Variants in CHIA observed in about 807,000 individuals in gnomAD.
The protein encoded by CHIA is chitinase acidic, also known as acidic mammalian chitinase.
CHIA carries 47 observed loss-of-function variants against 53.5 expected under a neutral mutation model. The observed-to-expected ratio is 0.88, with a 90% CI of 0.70 to 1.12. The LOEUF (loss-of-function observed/expected upper bound fraction) is 1.12, where lower values mean the gene tolerates loss of function less well. Ranked by LOEUF, CHIA falls within the 50% of genes most tolerant of loss-of-function variation. The pLI, the probability that CHIA is intolerant of heterozygous loss-of-function variation, is 0.00. For synonymous variants in CHIA, 268 were observed against 222.2 expected (o/e 1.21, Z -1.83); for missense variants, 652 against 592.2 (o/e 1.10, Z -1.05).
rs527687053 is a variant in CHIA at position 111,303,025 on chromosome 1, A to AT, written c.-68-7369dup. Among the ~76,000 whole-genome samples the AT allele has an allele frequency of 4.2e-4, 64 of 152,106 alleles. 1 individual carries two copies. The highest frequency in any genetic ancestry group is 1.3e-3 in the African/African-American group (52 of 41,518). On this transcript the variant is annotated intron_variant, in intron 1 of 11. Coordinates refer to ENST00000369740, the MANE Select transcript of CHIA (RefSeq NM_201653.4). ...TAATGTCCTGCTTTGTCTCTTGTAC[A>AT]TTTTTTAATTTATAATCTATTTTGT...
chr1:111,304,287 G>A (rs1648001829), intron 1 of CHIA, among the ~76,000 whole-genome samples: 1 of 152,110 alleles, frequency 6.6e-6, no homozygotes, highest in Non-Finnish European at 1.5e-5. Context: ...CATCAAATTT[G>A]GGAAGTGTTA....
intron 1 of CHIA, among the ~76,000 whole-genome samples, chr1:111,306,943 T>C (rs1209964296): frequency 1.3e-5 from 2 of 152,226 alleles, no homozygotes; most frequent in Non-Finnish European, 2.9e-5. Context: ...AATTTTAGTC[T>C]GATGATTCAG....
intron 1 of CHIA, among the ~76,000 whole-genome samples, chr1:111,302,589 A>G (rs1429344162): frequency 6.6e-6 from 1 of 152,096 alleles, no homozygotes; most frequent in African/African-American, 2.4e-5. Context: ...TTCTAACTTC[A>G]CGTCCTTTGT....
intron 1 of CHIA, among the ~76,000 whole-genome samples, chr1:111,304,343 T>C (rs984350503): frequency 6.6e-6 from 1 of 152,192 alleles, no homozygotes; most frequent in African/African-American, 2.4e-5. Flanking sequence ...TCTTTCTCTT[T>C]TATTTTTCTT....
intron 1 of CHIA, among the ~76,000 whole-genome samples, chr1:111,293,742 C>A (rs1340377465): frequency 6.6e-6 from 1 of 152,072 alleles, no homozygotes; most frequent in African/African-American, 2.4e-5. Flanking sequence ...GGCCATTGAT[C>A]TATTTTGAGT....
At chr1:111,317,217 A>G (rs1649230037) in intron 6 of CHIA, 1 of 167,480 alleles carries the variant, frequency 6.0e-6, no homozygotes, top group Non-Finnish European at 1.3e-5. Context: ...AATCTCTAGT[A>G]TTGAATGGGA....
chr1:111,320,533 A>C lies in CHIA; in HGVS notation c.*67A>C. The C allele has an allele frequency of 7.0e-7, 1 of 1,430,646 alleles. No individual in the cohort carries two copies. Among genetic ancestry groups the C allele is most frequent in the Non-Finnish European group, 9.7e-7 (1 of 1,027,546 alleles). The allele number at this position is 1,430,646 out of a possible 1,614,324, so 88.6% of individuals were successfully genotyped here. On this transcript the variant is annotated 3_prime_UTR_variant, in exon 12 of 12. Transcript: ENST00000369740. ...GCTTAGGACATGTTGCCCCTACCTA[A>C]AGTCCTGCAATAAAATCAGCAGTCA...
At chr1:111,299,097 G>A (rs1484134699) in intron 1 of CHIA, among the ~76,000 whole-genome samples, 1 of 151,986 alleles carries the variant, frequency 6.6e-6, no homozygotes, top group Non-Finnish European at 1.5e-5. Flanking sequence ...CAATAATTAA[G>A]AGCCTACCAA....
At chr1:111,311,348 G>A (rs1339351146) in intron 2 of CHIA, among the ~76,000 whole-genome samples, 1 of 152,234 alleles carries the variant, frequency 6.6e-6, no homozygotes, top group South Asian at 2.1e-4. Context: ...CTATCACTCA[G>A]GTAGGGGAAG....
rs1649442094 is a variant in CHIA at position 111,319,235 on chromosome 1, T to C, written c.1031T>C (p.Ile344Thr). ...TATGACAACATCAAGAGCTTCGATA[T>C]TAAGGTAAGATCAGTCCCTTAAATG... ...VGYDNIKSFD[I>T]KAQWLKHNKF... The change falls in exon 10 of 12, where the codon ATT becomes ACT. Residue 344 changes from isoleucine (I) to threonine (T), a missense_variant. Physicochemically the swap from Ile to Thr is moderately conservative, Grantham distance 89. Transcript: ENST00000369740. 1.2e-6 allele frequency: 2 copies of C among 1,614,100 alleles called. No individual in the cohort carries two copies. The highest frequency in any genetic ancestry group is 1.7e-6 in the Non-Finnish European group (2 of 1,180,046).
intron 5 of CHIA, 52 bp downstream of exon 5, chr1:111,314,648 GC>G: frequency 1.5e-6 from 2 of 1,353,144 alleles, no homozygotes; most frequent in Non-Finnish European, 1.1e-6. Context: ...AAACAAGTTA[GC>G]CCCATGTGAT....
At chr1:111,319,656 G>C (rs1297921626) in intron 11 of CHIA, among the ~76,000 whole-genome samples, 188 bp downstream of exon 11, 1 of 152,220 alleles carries the variant, frequency 6.6e-6, no homozygotes, top group Non-Finnish European at 1.5e-5. Flanking sequence ...GCACTTATGG[G>C]AAGCCAGGCC....
chr1:111,309,897 T>C (rs1363539054), intron 1 of CHIA, among the ~76,000 whole-genome samples: 2 of 152,190 alleles, frequency 1.3e-5, no homozygotes, highest in Non-Finnish European at 2.9e-5. Context: ...CATTCTTAGA[T>C]AAAATTATCA....
chr1:111,299,717 T>C (rs1037365812), intron 1 of CHIA, among the ~76,000 whole-genome samples: 6 of 152,146 alleles, frequency 3.9e-5, no homozygotes, highest in African/African-American at 1.4e-4. Context: ...CTATTCAACA[T>C]AGTGTTTGAA....
chr1:111,307,850 C>T (rs1447535871), intron 1 of CHIA, among the ~76,000 whole-genome samples: 1 of 152,034 alleles, frequency 6.6e-6, no homozygotes, highest in African/African-American at 2.4e-5. Flanking sequence ...CCATGTTGAC[C>T]CAGCTGGTCT....
Position 111,320,262 on chromosome 1 carries a change from T to C in CHIA, c.1227T>C (p.Ser409=). 2 of 1,614,076 alleles carry C rather than the reference T, an allele frequency of 1.2e-6. No individual in the cohort carries two copies. The highest frequency in any genetic ancestry group is 1.7e-4 in the Middle Eastern group (1 of 6,042). The change falls in exon 12 of 12, where the codon AGT becomes AGC. Residue 409 remains serine, a synonymous_variant. Coordinates refer to ENST00000369740, the MANE Select transcript of CHIA (RefSeq NM_201653.4). ...TTGAGCCAATAACTGCTGCTCCCAG[T>C]GGCAGCGGGAACGGGAGCGGGAGTA... The part of the protein sequence containing the change: ...QPIEPITAAP[S]GSGNGSGSSS...
chr1:111,318,219 T>C, intron 8 of CHIA, 110 bp downstream of exon 8: 18 of 1,179,424 alleles, frequency 1.5e-5, no homozygotes, highest in Non-Finnish European at 2.2e-5. Flanking sequence ...AATGGGAAAT[T>C]AGGCTGCCAT....
chr1:111,310,827 A>G (rs1293989936), intron 2 of CHIA, among the ~76,000 whole-genome samples: 1 of 152,164 alleles, frequency 6.6e-6, no homozygotes, highest in Non-Finnish European at 1.5e-5. Context: ...ATCTCATTTT[A>G]ATTGGAATAA....
At chr1:111,314,234 G>C (rs370381238) in intron 4 of CHIA, among the ~76,000 whole-genome samples, 2 of 152,174 alleles carry the variant, frequency 1.3e-5, no homozygotes, top group South Asian at 4.1e-4. Context: ...CATTTTATCT[G>C]ATAGAATAGA....
Sources: gnomAD v4.1 joint callset for allele counts (sites outside exome capture counted in the v4.1 genomes callset) on GRCh38, gnomAD v4.1.1 for gene constraint, MANE v1.5 for transcripts, NCBI Gene and HGNC (gene_info 2026-07-23, HGNC 2026-07-21) for gene names.